SLC25A17: variants seen among roughly 807,000 people sequenced by gnomAD.
SLC25A17 encodes solute carrier family 25 member 17, also known as peroxisomal membrane protein PMP34.
Under a neutral mutation model 38.5 loss-of-function variants are expected in SLC25A17, and 26 were observed. The observed-to-expected ratio is 0.68, with a 90% confidence interval of 0.50 to 0.94. The LOEUF (loss-of-function observed/expected upper bound fraction) is 0.94. SLC25A17 is among the 40% of genes least tolerant of loss of function. SLC25A17 has a pLI of 0.00. For missense variants in SLC25A17, 333 were observed against 372.7 expected, an observed-to-expected ratio of 0.89 and a Z score of 0.88; for synonymous variants, 139 against 136.2, an observed-to-expected ratio of 1.02 and a Z score of -0.14.
rs1399783573 is a variant in SLC25A17 at position 40,807,046 on chromosome 22, A to C, written c.55-7963T>G. Among the ~76,000 whole-genome samples the C allele has an allele frequency of 2.0e-5, 3 of 152,130 alleles. No homozygotes were observed. The East Asian group carries it at 5.8e-4, about 29-fold the overall frequency. On this transcript the variant is annotated intron_variant, in intron 1 of 8. Transcript: ENST00000435456. ...GCTTCTTTACACTTATCATGCTTTC[A>C]AGGTTCACCCATCTTGTAGCACATA...
intron 1 of SLC25A17, among the ~76,000 whole-genome samples, chr22:40,814,589 C>A (rs534164365): frequency 6.6e-6 from 1 of 151,784 alleles, no homozygotes; most frequent in African/African-American, 2.4e-5. Flanking sequence ...TGAAATAACA[C>A]AATAAAAGTC....
chr22:40,804,531 T>A (rs2057512508), intron 1 of SLC25A17, among the ~76,000 whole-genome samples: 2 of 152,218 alleles, frequency 1.3e-5, no homozygotes, highest in Admixed American at 6.5e-5. Context: ...TTCAGAGCTT[T>A]CATTTTTTTA....
chr22:40,782,083 G>A (rs573900092), intron 4 of SLC25A17, among the ~76,000 whole-genome samples: 9 of 152,146 alleles, frequency 5.9e-5, no homozygotes, highest in Non-Finnish European at 1.2e-4. Context: ...AGCCAGGCAC[G>A]GTGGCGGGCG....
chr22:40,809,945 T>C (rs1412804990), intron 1 of SLC25A17, among the ~76,000 whole-genome samples: 1 of 152,202 alleles, frequency 6.6e-6, no homozygotes, highest in African/African-American at 2.4e-5. Context: ...ATATATTATA[T>C]AGGATATTAA....
chr22:40,792,769 G>A, intron 3 of SLC25A17, 93 bp from the exon 4 acceptor site: 1 of 1,312,894 alleles, frequency 7.6e-7, no homozygotes, highest in Non-Finnish European at 1.1e-6. Flanking sequence ...CATTCACATG[G>A]TCTCAAGCTT....
intron 4 of SLC25A17, among the ~76,000 whole-genome samples, chr22:40,781,402 C>T (rs1340483287): frequency 6.6e-6 from 1 of 152,062 alleles, no homozygotes; most frequent in Non-Finnish European, 1.5e-5. Flanking sequence ...CCCGCCACTG[C>T]GCCCGACTAA....
At chr22:40,808,993 CAA>C (rs972371609) in intron 1 of SLC25A17, among the ~76,000 whole-genome samples, 1 of 152,036 alleles carries the variant, frequency 6.6e-6, no homozygotes, top group African/African-American at 2.4e-5. Context: ...TCTATCAAGT[CAA>C]AGAGAGGTTT....
At chr22:40,778,298 A>T (rs964165993) in intron 5 of SLC25A17, among the ~76,000 whole-genome samples, 4 of 152,182 alleles carry the variant, frequency 2.6e-5, no homozygotes, top group Non-Finnish European at 2.9e-5. Flanking sequence ...GGGCTTGGCT[A>T]TGTGATGTGC....
At chr22:40,776,111 C>A in intron 7 of SLC25A17, 2 of 281,450 alleles carry the variant, frequency 7.1e-6, no homozygotes, top group South Asian at 3.3e-5. Context: ...AAGAGCCCCA[C>A]CATGCCCCTC....
intron 1 of SLC25A17, among the ~76,000 whole-genome samples, chr22:40,814,754 A>AATATATATATATATAT (rs10527651): frequency 1.9e-3 from 263 of 135,064 alleles, no homozygotes; most frequent in African/African-American, 5.2e-3. Context: ...GTACGTGCAG[A>AATATATATATATATAT]ATATATATAT....
At chr22:40,775,803 C>T (rs907541036) in intron 7 of SLC25A17, among the ~76,000 whole-genome samples, 3 of 152,218 alleles carry the variant, frequency 2.0e-5, no homozygotes, top group Non-Finnish European at 4.4e-5. Flanking sequence ...CTGCACTTGT[C>T]CTTGCTGCCG....
chr22:40,772,617 A>T (rs2057195720), intron 8 of SLC25A17, among the ~76,000 whole-genome samples: 1 of 150,540 alleles, frequency 6.6e-6, no homozygotes. Context: ...TTTGTCTTTT[A>T]GTCCCTTGAA....
intron 1 of SLC25A17, among the ~76,000 whole-genome samples, chr22:40,816,236 AAG>A (rs1568991831): frequency 6.6e-6 from 1 of 152,068 alleles, no homozygotes; most frequent in Non-Finnish European, 1.5e-5. Flanking sequence ...AAAAGAAAAA[AAG>A]AGAAAAATAG....
intron 1 of SLC25A17, among the ~76,000 whole-genome samples, chr22:40,809,777 T>C (rs1419311105): frequency 2.6e-5 from 4 of 152,158 alleles, no homozygotes; most frequent in African/African-American, 4.8e-5. Context: ...CCTATGAGTA[T>C]AGTTTGAACA....
rs990708787 is a variant in SLC25A17 at position 40,815,778 on chromosome 22, C to CT, written c.54+3416dup. On this transcript the variant is annotated intron_variant, in intron 1 of 8. Coordinates refer to ENST00000435456, the MANE Select transcript of SLC25A17 (RefSeq NM_006358.4). ...TCATAGTTAAGCTTTACTACAGAAC[C>CT]TTTTTTTTCAGCTATTATGCCATAT... is the stretch of plus-strand genomic sequence containing the variant. 3.3e-5 allele frequency among the ~76,000 whole-genome samples: 5 copies of CT among 151,896 alleles called. No individual in the cohort carries two copies. The East Asian group carries it at 5.8e-4, about 18-fold the overall frequency.
intron 1 of SLC25A17, among the ~76,000 whole-genome samples, chr22:40,805,371 G>C (rs2057521072): frequency 6.6e-6 from 1 of 152,222 alleles, no homozygotes; most frequent in Non-Finnish European, 1.5e-5. Context: ...AAAGATAGCA[G>C]AGGAATACAG....
At chr22:40,787,206 T>C (rs952305217) in intron 4 of SLC25A17, among the ~76,000 whole-genome samples, 3 of 148,252 alleles carry the variant, frequency 2.0e-5, no homozygotes, top group African/African-American at 7.5e-5. Flanking sequence ...GTTAATAAGA[T>C]GAAATAAGCA....
At chr22:40,812,004 C>A (rs2057586430) in intron 1 of SLC25A17, among the ~76,000 whole-genome samples, 2 of 151,754 alleles carry the variant, frequency 1.3e-5, no homozygotes, top group African/African-American at 4.8e-5. Flanking sequence ...TGAACTGACA[C>A]CTGGATTTCT....
rs1439434183 is a variant in SLC25A17 at position 40,789,073 on chromosome 22, C to T, written c.334+3452G>A. ...TCCTATGCTCACCACCATCTTCTGA[C>T]CATCTCTACTTCCAGCACTGGCCCA... On this transcript the variant is annotated intron_variant, in intron 4 of 8. Coordinates refer to ENST00000435456, the MANE Select transcript of SLC25A17 (RefSeq NM_006358.4). The surrounding 1 kb of genome is among the most constrained non-coding windows in gnomAD (Gnocchi z 4.5). 7.2e-6 allele frequency: 2 copies of T among 279,590 alleles called. No individual in the cohort carries two copies. Among genetic ancestry groups the T allele is most frequent in the Non-Finnish European group, 1.5e-5 (2 of 136,286 alleles). 17.3% of individuals were successfully genotyped at this position (279,590 alleles called of 1,614,324 possible). A position where few individuals can be genotyped will look rare whatever the true frequency, so the allele number is the denominator to read the frequency against.
Sources: gnomAD v4.1 joint callset for allele counts (sites outside exome capture counted in the v4.1 genomes callset) on GRCh38, gnomAD v4.1.1 for gene constraint, Gnocchi (gnomAD v3.1) non-coding constraint, MANE v1.5 for transcripts, NCBI Gene and HGNC (gene_info 2026-07-23, HGNC 2026-07-21) for gene names.